Variants in C11orf65 observed in about 807,000 individuals in gnomAD.
The protein encoded by C11orf65 is protein MFI.
Under a neutral mutation model 35.3 loss-of-function variants are expected in C11orf65, and 38 were observed. That is an observed-to-expected ratio of 1.08 (90% CI 0.83 to 1.41). The LOEUF is 1.41. Ranked by LOEUF, C11orf65 falls within the 40% of genes most tolerant of loss-of-function variation. The probability of loss-of-function intolerance (pLI) is 0.00; values close to 1 mark genes in which losing one functional copy is unlikely to be tolerated. For missense variants in C11orf65, 370 were observed against 367.1 expected (o/e 1.01, Z -0.06); for synonymous variants, 105 against 114.4 (o/e 0.92, Z 0.53).
chr11:108,457,839 T>C (rs1244944039), intron 2 of C11orf65, among the ~76,000 whole-genome samples: 1 of 152,314 alleles, frequency 6.6e-6, no homozygotes, highest in East Asian at 1.9e-4. Context: ...AATTCACTTC[T>C]ACAGCCAAGC....
At chr11:108,420,454 C>T (rs1381026826) in intron 3 of C11orf65, among the ~76,000 whole-genome samples, 2 of 152,110 alleles carry the variant, frequency 1.3e-5, no homozygotes, top group Non-Finnish European at 2.9e-5. Context: ...GGCTTCTAGA[C>T]CCATCTCCTC....
intron 2 of C11orf65, among the ~76,000 whole-genome samples, chr11:108,361,352 T>C (rs369109126): frequency 2.0e-5 from 3 of 150,154 alleles, no homozygotes; most frequent in East Asian, 1.9e-4. Flanking sequence ...GAATCAATAT[T>C]GTGAAAATGG....
At chr11:108,389,813 G>A (rs1226982768) in intron 7 of C11orf65, among the ~76,000 whole-genome samples, 3 of 151,468 alleles carry the variant, frequency 2.0e-5, no homozygotes, top group Non-Finnish European at 4.4e-5. Context: ...TCCTGCCTCG[G>A]CCTCCCAAGT....
At chr11:108,420,262 AG>A (rs1453513787) in intron 3 of C11orf65, among the ~76,000 whole-genome samples, 1 of 152,232 alleles carries the variant, frequency 6.6e-6, no homozygotes, top group Non-Finnish European at 1.5e-5. Context: ...ATTTCAAATT[AG>A]GTTTTCCAAA....
At chr11:108,313,906 TTAAC>T (rs2084383567) in intron 6 of C11orf65, among the ~76,000 whole-genome samples, 1 of 152,208 alleles carries the variant, frequency 6.6e-6, no homozygotes, top group African/African-American at 2.4e-5. Context: ...TCATTTTTAT[TTAAC>T]TGAGATTGTT....
chr11:108,363,465 G>A (rs2091023655), intron 2 of C11orf65, among the ~76,000 whole-genome samples: 1 of 152,178 alleles, frequency 6.6e-6, no homozygotes. Context: ...CTAACTCAGT[G>A]ATGCTTAGCC....
At chr11:108,341,547 T>A (rs7103206) in intron 2 of C11orf65, among the ~76,000 whole-genome samples, 2,228 of 152,242 alleles carry the variant, frequency 0.015, 52 homozygotes, top group African/African-American at 0.048. Context: ...GTTAATAAAT[T>A]AATCAAATGC....
intron 7 of C11orf65, among the ~76,000 whole-genome samples, chr11:108,388,684 G>C (rs1164331593): frequency 6.6e-6 from 1 of 152,156 alleles, no homozygotes; most frequent in Non-Finnish European, 1.5e-5. Flanking sequence ...AAATTCACTT[G>C]CTGTTTGAAA....
intron 6 of C11orf65, among the ~76,000 whole-genome samples, chr11:108,322,365 C>T (rs1022763719): frequency 3.9e-5 from 6 of 152,060 alleles, no homozygotes; most frequent in Non-Finnish European, 1.5e-5. Context: ...TGTTGGTCAG[C>T]CTGGCCTCGA....
intron 3 of C11orf65, among the ~76,000 whole-genome samples, chr11:108,422,552 A>G (rs775046864): frequency 6.6e-6 from 1 of 152,186 alleles, no homozygotes; most frequent in African/African-American, 2.4e-5. Flanking sequence ...TTCAATAAAT[A>G]GCATTTAATC....
chr11:108,311,931 C>T (rs2084195180), intron 6 of C11orf65, among the ~76,000 whole-genome samples: 1 of 152,140 alleles, frequency 6.6e-6, no homozygotes, highest in South Asian at 2.1e-4. Context: ...GACTGTCAAA[C>T]TTTCTAGTTT....
chr11:108,360,641 T>A (rs925299272), intron 2 of C11orf65, among the ~76,000 whole-genome samples: 1 of 149,860 alleles, frequency 6.7e-6, no homozygotes, highest in African/African-American at 2.5e-5. Flanking sequence ...GCTGGTTCAA[T>A]ATATGCAAAT....
rs530088541 is a variant in C11orf65 at position 108,424,013 on chromosome 11, C to T, written c.174+7733G>A. On this transcript the variant is annotated intron_variant, in intron 3 of 8. Coordinates refer to ENST00000393084, the MANE Select transcript of C11orf65 (RefSeq NM_152587.5). Reference sequence around the variant, plus strand: ...GAATACCTCTTCTCCTTCAAAGTATCACAACTCCTTGCCAGCAAGGGAACT... The same window carrying T: ...GAATACCTCTTCTCCTTCAAAGTATTACAACTCCTTGCCAGCAAGGGAACT... Among the ~76,000 whole-genome samples the T allele has an allele frequency of 3.9e-5, 6 of 152,288 alleles. 1 individual carries two copies. The South Asian group carries it at 1.2e-3, about 32-fold the overall frequency.
chr11:108,370,526 T>C (rs1463898407), intron 2 of C11orf65, among the ~76,000 whole-genome samples: 1 of 149,560 alleles, frequency 6.7e-6, no homozygotes, highest in Admixed American at 6.6e-5. Context: ...CAATCATCAG[T>C]AGAATATTGG....
chr11:108,308,819 C>A (rs2083893784), exon 7 of C11orf65: 1 of 545,938 alleles, frequency 1.8e-6, no homozygotes, highest in Admixed American at 3.1e-5. Context: ...AAGTTTTATG[C>A]TTTTCAGTGT....
intron 6 of C11orf65, chr11:108,319,818 CA>C: frequency 4.6e-6 from 3 of 653,824 alleles, no homozygotes; most frequent in South Asian, 4.2e-5. Flanking sequence ...TATTTCTTAC[CA>C]AAAATTCTAG....
chr11:108,392,526 T>G (rs952918042), intron 7 of C11orf65, among the ~76,000 whole-genome samples: 4 of 152,202 alleles, frequency 2.6e-5, no homozygotes, highest in African/African-American at 4.8e-5. Flanking sequence ...GGTATATATC[T>G]AGGAGTGGAG....
At chr11:108,384,143 T>A (rs955607022) in intron 8 of C11orf65, among the ~76,000 whole-genome samples, 2 of 152,204 alleles carry the variant, frequency 1.3e-5, no homozygotes, top group Admixed American at 6.5e-5. Context: ...ATTACAGGCA[T>A]GAGCCATTGT....
In C11orf65 at chr11:108,365,179, C is replaced by A. The variant is rs1472935232; in HGVS notation, c.226+28029G>T. On this transcript the variant is annotated intron_variant, in intron 2 of 3. Transcript: ENST00000524755. ...GAAGATGAAACTGAGCTTCACCCTA[C>A]TCTGAATGCAGATGACCAAGAATGC... 1.2e-6 allele frequency: 2 copies of A among 1,614,098 alleles called. No homozygotes were observed. Among genetic ancestry groups the A allele is most frequent in the African/African-American group, 1.3e-5 (1 of 74,932 alleles).
Sources: gnomAD v4.1 joint callset for allele counts (sites outside exome capture counted in the v4.1 genomes callset) on GRCh38, gnomAD v4.1.1 for gene constraint, MANE v1.5 for transcripts, NCBI Gene and HGNC (gene_info 2026-07-23, HGNC 2026-07-21) for gene names.